Variants in ST8SIA1 observed in about 807,000 individuals in gnomAD.
ST8SIA1 encodes ST8 alpha-N-acetyl-neuraminide alpha-2,8-sialyltransferase 1, also known as alpha-N-acetylneuraminide alpha-2,8-sialyltransferase.
In ST8SIA1, 16 loss-of-function variants were observed where a neutral mutation model predicts 35.9. The observed-to-expected ratio is 0.45, with a 90% CI of 0.30 to 0.68. The LOEUF is 0.68. ST8SIA1 is among the 30% of genes least tolerant of loss of function. The probability of loss-of-function intolerance (pLI) is 0.09; values close to 1 mark genes in which losing one functional copy is unlikely to be tolerated. For synonymous variants in ST8SIA1, 170 were observed against 169.6 expected, an observed-to-expected ratio of 1.00 and a Z score of -0.02; for missense variants, 383 against 453.6, an observed-to-expected ratio of 0.84 and a Z score of 1.41.
intron 2 of ST8SIA1, among the ~76,000 whole-genome samples, chr12:22,274,439 T>C (rs1183693910): frequency 6.6e-6 from 1 of 152,120 alleles, no homozygotes; most frequent in East Asian, 1.9e-4. Flanking sequence ...AAATAAGAAG[T>C]GGATGTGAGA....
At chr12:22,226,115 T>C (rs1465600265) in intron 4 of ST8SIA1, among the ~76,000 whole-genome samples, 2 of 152,236 alleles carry the variant, frequency 1.3e-5, no homozygotes, top group Non-Finnish European at 1.5e-5. Context: ...ATAATACATA[T>C]GTATATAGTA....
intron 3 of ST8SIA1, among the ~76,000 whole-genome samples, chr12:22,251,279 G>C (rs904700794): frequency 6.6e-6 from 1 of 152,084 alleles, no homozygotes; most frequent in African/African-American, 2.4e-5. Flanking sequence ...AAACAAACTG[G>C]TTTTCATGAG....
chr12:22,270,224 G>A (rs1300405763), intron 2 of ST8SIA1, among the ~76,000 whole-genome samples: 1 of 152,172 alleles, frequency 6.6e-6, no homozygotes, highest in East Asian at 1.9e-4. Flanking sequence ...GGACACTTTT[G>A]GCTCAGCCTC....
intron 1 of ST8SIA1, chr12:22,326,342 C>T (rs1243076293): frequency 6.5e-6 from 1 of 154,062 alleles, no homozygotes; most frequent in Non-Finnish European, 1.4e-5. Flanking sequence ...AGCACTAACT[C>T]TGTGAAAAAA....
intron 3 of ST8SIA1, among the ~76,000 whole-genome samples, chr12:22,253,749 G>A (rs1350986954): frequency 1.3e-5 from 2 of 152,036 alleles, no homozygotes; most frequent in Non-Finnish European, 2.9e-5. Flanking sequence ...AAGAAAAACT[G>A]CAATACAGAG....
intron 4 of ST8SIA1, among the ~76,000 whole-genome samples, chr12:22,214,488 T>C (rs956435151): frequency 2.0e-5 from 3 of 150,284 alleles, no homozygotes; most frequent in Non-Finnish European, 3.0e-5. Context: ...TGGAAATGGA[T>C]TGTTGCATGT....
intron 2 of ST8SIA1, among the ~76,000 whole-genome samples, chr12:22,276,057 C>T (rs186976855): frequency 1.1e-4 from 16 of 152,262 alleles, no homozygotes; most frequent in African/African-American, 3.9e-4. Flanking sequence ...GCAGCAGCCT[C>T]CAGGCAGGAT....
chr12:22,318,885 C>A (rs940474981), intron 1 of ST8SIA1, among the ~76,000 whole-genome samples: 1 of 152,114 alleles, frequency 6.6e-6, no homozygotes, highest in Non-Finnish European at 1.5e-5. Flanking sequence ...AGGAAGTTTG[C>A]GAGTCCCAGA....
chr12:22,211,409 C>T (rs935523959), intron 4 of ST8SIA1, among the ~76,000 whole-genome samples: 1 of 152,152 alleles, frequency 6.6e-6, no homozygotes, highest in African/African-American at 2.4e-5. Context: ...TGATCAGCTC[C>T]CAGCCTGAAG....
intron 2 of ST8SIA1, among the ~76,000 whole-genome samples, chr12:22,285,741 A>G (rs11046358): frequency 0.011 from 1,635 of 152,008 alleles, 18 homozygotes; most frequent in African/African-American, 0.038. Context: ...ATGGTGGCAC[A>G]TGTCTGTGAT....
At chr12:22,208,196 ACTGT>A (rs773913954) in intron 4 of ST8SIA1, among the ~76,000 whole-genome samples, 1 of 151,944 alleles carries the variant, frequency 6.6e-6, no homozygotes, top group African/African-American at 2.4e-5. Context: ...TACGGGTCAC[ACTGT>A]CTGATCGAAA....
intron 1 of ST8SIA1, among the ~76,000 whole-genome samples, chr12:22,287,937 G>A (rs750340156): frequency 3.3e-5 from 5 of 152,044 alleles, no homozygotes; most frequent in Non-Finnish European, 5.9e-5. Flanking sequence ...TCTCACTTTG[G>A]CCTCTCAGAA....
intron 4 of ST8SIA1, among the ~76,000 whole-genome samples, chr12:22,209,344 A>G (rs969506157): frequency 2.6e-5 from 4 of 152,252 alleles, no homozygotes; most frequent in African/African-American, 9.6e-5. Flanking sequence ...ACAACGATGT[A>G]GAACTGCCAA....
intron 2 of ST8SIA1, among the ~76,000 whole-genome samples, chr12:22,256,046 C>T (rs372751972): frequency 2.0e-5 from 3 of 152,196 alleles, no homozygotes; most frequent in Admixed American, 1.3e-4. Flanking sequence ...TGAGCCAACT[C>T]GGGGAAAGCT....
At chr12:22,306,349 A>G (rs1486765107) in intron 1 of ST8SIA1, among the ~76,000 whole-genome samples, 5 of 152,196 alleles carry the variant, frequency 3.3e-5, no homozygotes, top group South Asian at 4.1e-4. Context: ...TTCACACCTT[A>G]TTCTTTCTTT....
At position 22,195,199 on chromosome 12, in the gene ST8SIA1, A is replaced by AG. The variant is rs967033023; in HGVS notation, c.*6352_*6353insC. On this transcript the variant is annotated 3_prime_UTR_variant, in exon 5 of 5. Transcript: ENST00000396037. ...AAACTCTGTCTCAACAAAAAAAAAA[A>AG]AAAAAAAAAAAAAGAAAGAAAGAAA... The AG allele has an allele frequency of 2.1e-5, 3 of 141,184 alleles. No homozygotes were observed. Among genetic ancestry groups the AG allele is most frequent in the Non-Finnish European group, 4.6e-5 (3 of 65,488 alleles). The allele number at this position is 141,184 out of a possible 1,614,324, so 8.7% of individuals were successfully genotyped here.
intron 4 of ST8SIA1, among the ~76,000 whole-genome samples, chr12:22,203,539 G>C (rs1325728972): frequency 6.6e-6 from 1 of 152,164 alleles, no homozygotes; most frequent in Admixed American, 6.5e-5. Context: ...TCATGTCCTT[G>C]ATCCAGTAGC....
chr12:22,224,588 T>G (rs75991862), intron 4 of ST8SIA1, among the ~76,000 whole-genome samples: 1,893 of 152,328 alleles, frequency 0.012, 42 homozygotes, highest in African/African-American at 0.043. Flanking sequence ...TCTTGGTATC[T>G]CTGATGCAAT....
At chr12:22,329,866 C>A (rs1176018762) in intron 1 of ST8SIA1, among the ~76,000 whole-genome samples, 1 of 152,198 alleles carries the variant, frequency 6.6e-6, no homozygotes, top group Non-Finnish European at 1.5e-5. Context: ...AACCTCTATT[C>A]TACTTCCCAA....
Sources: gnomAD v4.1 joint callset for allele counts (sites outside exome capture counted in the v4.1 genomes callset) on GRCh38, gnomAD v4.1.1 for gene constraint, MANE v1.5 for transcripts, NCBI Gene and HGNC (gene_info 2026-07-23, HGNC 2026-07-21) for gene names.